Variants in CNTLN observed in about 807,000 individuals in gnomAD.
CNTLN encodes centlein.
Under a neutral mutation model 180.0 loss-of-function variants are expected in CNTLN, and 212 were observed. The observed-to-expected ratio is 1.18, with a 90% CI of 1.05 to 1.32. The LOEUF (loss-of-function observed/expected upper bound fraction) is 1.32. Ranked by LOEUF, CNTLN falls within the 40% of genes most tolerant of loss-of-function variation. The pLI is 0.00. For missense variants in CNTLN, 2,095 were observed against 1,610.9 expected (o/e 1.30, Z -5.14); for synonymous variants, 722 against 563.1 (o/e 1.28, Z -3.99).
At chr9:17,507,971 T>C (rs1264419855), downstream of CNTLN, among the ~76,000 whole-genome samples, 2 of 152,188 alleles carry the variant, frequency 1.3e-5, no homozygotes, top group Non-Finnish European at 2.9e-5. Flanking sequence ...CCTTCTGTAC[T>C]CTTACATTTT....
intron 2 of CNTLN, among the ~76,000 whole-genome samples, chr9:17,198,386 C>CTTTTTTTTTTTTTTTTTTTTTTTT (rs61209273): frequency 9.1e-6 from 1 of 109,750 alleles, no homozygotes; most frequent in African/African-American, 3.3e-5. Flanking sequence ...TCTTTTCTTT[C>CTTTTTTTTTTTTTTTTTTTTTTTT]TTTTTTTTTT....
intron 13 of CNTLN, among the ~76,000 whole-genome samples, chr9:17,377,021 A>T (rs2133550739): frequency 6.6e-6 from 1 of 152,176 alleles, no homozygotes; most frequent in African/African-American, 2.4e-5. Flanking sequence ...TTTTTACAAA[A>T]CTTTTTTGTA....
At chr9:17,521,859 T>A in the CNTLN span, among the ~76,000 whole-genome samples, 1 of 152,256 alleles carries the variant, frequency 6.6e-6, no homozygotes, top group East Asian at 1.9e-4. Flanking sequence ...AGAGTTGCTC[T>A]AAAAAATTGC....
In CNTLN at chr9:17,135,399, C is replaced by A; in HGVS notation, c.334C>A (p.Leu112Ile). The change falls in exon 1 of 26, where the codon CTA becomes ATA. Residue 112 changes from leucine (L) to isoleucine (I), a missense_variant. Coordinates refer to ENST00000380647, the MANE Select transcript of CNTLN (RefSeq NM_017738.4). ...GCTGCTGGAGGAAGAGCTGAGCAGC[C>A]TAAAGGAGGAGTTGGCCCTGTGTCA... ...TQLLEEELSS[L>I]KEELALCQAD... The A allele has an allele frequency of 1.3e-6, 2 of 1,597,844 alleles. No individual in the cohort carries two copies. Among genetic ancestry groups the A allele is most frequent in the South Asian group, 1.1e-5 (1 of 87,704 alleles).
At chr9:17,522,744 C>G in the CNTLN span, among the ~76,000 whole-genome samples, 1 of 152,052 alleles carries the variant, frequency 6.6e-6, no homozygotes, top group African/African-American at 2.4e-5. Context: ...AAAAAACCCA[C>G]TTTTTTAAAA....
rs139242733 is a variant in CNTLN at position 17,485,110 on chromosome 9, C to T, written c.4041+630C>T. 1.2e-3 allele frequency among the ~76,000 whole-genome samples: 183 copies of T among 152,232 alleles called. 4 individuals carry two copies. In the South Asian group the frequency reaches 0.018, roughly 15 times the overall value. On this transcript the variant is annotated intron_variant, in intron 24 of 25. Coordinates refer to ENST00000380647, the MANE Select transcript of CNTLN (RefSeq NM_017738.4). ...CTCATAACAGCAGAATCTCATACCACGCAGTCTTTTGCGAAACATGTGTAG... is the reference window on the plus strand; with the variant it reads ...CTCATAACAGCAGAATCTCATACCATGCAGTCTTTTGCGAAACATGTGTAG...
At chr9:17,135,458 A>G in intron 1 of CNTLN, 33 bp downstream of exon 1, 5 of 1,567,328 alleles carry the variant, frequency 3.2e-6, no homozygotes, top group Non-Finnish European at 4.3e-6. Context: ...CCCTTTCCCC[A>G]CCACAGCGGG....
chr9:17,393,887 C>G (rs3808781), intron 14 of CNTLN, among the ~76,000 whole-genome samples: 124,460 of 152,056 alleles, frequency 0.82, 51,396 homozygotes, highest in Non-Finnish European at 0.87. Flanking sequence ...TTAAGATTAA[C>G]AAATGTGTGT....
the CNTLN span, among the ~76,000 whole-genome samples, chr9:17,520,359 C>T: frequency 6.6e-6 from 1 of 152,138 alleles, no homozygotes; most frequent in Non-Finnish European, 1.5e-5. Flanking sequence ...GAGCGTGGGG[C>T]TGAACAGCAG....
chr9:17,410,539 C>G (rs984572), intron 16 of CNTLN, among the ~76,000 whole-genome samples: 4 of 152,090 alleles, frequency 2.6e-5, no homozygotes, highest in African/African-American at 9.7e-5. Context: ...CATCTCAATT[C>G]TAATGTGGCC....
intron 23 of CNTLN, among the ~76,000 whole-genome samples, chr9:17,475,836 G>A (rs1244651784): frequency 1.4e-5 from 2 of 145,536 alleles, no homozygotes; most frequent in East Asian, 2.0e-4. Flanking sequence ...TCGCGCCACT[G>A]CACTCCAGCC....
At chr9:17,284,483 T>A (rs1355504364) in intron 6 of CNTLN, among the ~76,000 whole-genome samples, 1 of 151,998 alleles carries the variant, frequency 6.6e-6, no homozygotes, top group Non-Finnish European at 1.5e-5. Flanking sequence ...CTGGCTCAGT[T>A]TTGGGAGGGT....
chr9:17,313,126 A>G (rs1382295740), intron 8 of CNTLN, among the ~76,000 whole-genome samples: 10 of 152,208 alleles, frequency 6.6e-5, no homozygotes, highest in Admixed American at 6.5e-4. Context: ...TGATGTCAGT[A>G]TAGCCAATTC....
chr9:17,434,816 C>T (rs924640778), intron 18 of CNTLN, among the ~76,000 whole-genome samples: 7 of 151,436 alleles, frequency 4.6e-5, no homozygotes, highest in Non-Finnish European at 7.4e-5. Flanking sequence ...ATAGAATTTG[C>T]AGACAACAGT....
chr9:17,423,219 C>T (rs1463026788), intron 18 of CNTLN, among the ~76,000 whole-genome samples: 4 of 152,162 alleles, frequency 2.6e-5, no homozygotes, highest in Non-Finnish European at 5.9e-5. Context: ...CAACTAGTGC[C>T]TGGCTGCCAC....
At chr9:17,291,975 C>T (rs12377081) in intron 6 of CNTLN, among the ~76,000 whole-genome samples, 33,884 of 152,044 alleles carry the variant, frequency 0.22, 4,088 homozygotes, top group South Asian at 0.36. Context: ...CCTTCAGGAG[C>T]TCTTGCAAGG....
At chr9:17,427,776 GATTATCACATCTGTACCATAGT>G (rs1829183608) in intron 18 of CNTLN, among the ~76,000 whole-genome samples, 2 of 152,130 alleles carry the variant, frequency 1.3e-5, no homozygotes, top group Non-Finnish European at 2.9e-5. Context: ...CTCAACGGTG[GATTATCACATCTGTACCATAGT>G]AGTCATCTTT....
chr9:17,361,157 C>T lies in CNTLN; in HGVS notation c.1887-5460C>T, dbSNP rs1823356460. The stretch of plus-strand genomic sequence containing the variant: ...ACATGTGCCATGTTGGTGTGCTGCA[C>T]CCATTAACTCCTCATTTAGCATTAG... On this transcript the variant is annotated intron_variant, in intron 12 of 25. Transcript: ENST00000380647. Among the ~76,000 whole-genome samples, 5 of 152,210 alleles carry T rather than the reference C, an allele frequency of 3.3e-5. No homozygotes were observed. In the South Asian group the frequency reaches 1.0e-3, roughly 32 times the overall value.
chr9:17,282,687 A>G (rs905212054), intron 6 of CNTLN, among the ~76,000 whole-genome samples: 4 of 152,130 alleles, frequency 2.6e-5, no homozygotes, highest in African/African-American at 9.7e-5. Flanking sequence ...TGGTTTCAGT[A>G]GATTTCCTTC....
Sources: allele counts gnomAD v4.1 joint callset (sites outside exome capture counted in the v4.1 genomes callset), GRCh38; gene constraint gnomAD v4.1.1; transcripts MANE v1.5; gene names NCBI Gene and HGNC (gene_info 2026-07-23, HGNC 2026-07-21).